Variants in VPS13A observed in about 807,000 individuals in gnomAD.
VPS13A encodes intermembrane lipid transfer protein VPS13A.
VPS13A carries 264 observed loss-of-function variants against 390.9 expected under a neutral mutation model. The ratio of observed to expected loss-of-function variants is 0.68; its 90% confidence interval spans 0.61 to 0.75. The LOEUF (loss-of-function observed/expected upper bound fraction) is 0.75. Ranked by LOEUF, VPS13A falls within the 30% of genes least tolerant of loss-of-function variation. The pLI is 0.00. For missense variants in VPS13A, 3,409 were observed against 3,733.9 expected (o/e 0.91, Z 2.27); for synonymous variants, 1,231 against 1,227.1 (o/e 1.00, Z -0.07).
At chr9:77,270,103 A>C (rs769453158) in intron 23 of VPS13A, among the ~76,000 whole-genome samples, 11 of 152,160 alleles carry the variant, frequency 7.2e-5, no homozygotes, top group Non-Finnish European at 1.3e-4. Flanking sequence ...TGGCAATCTC[A>C]TATACGTTTT....
At chr9:77,213,113 G>A (rs1826063348) in intron 8 of VPS13A, 85 bp downstream of exon 8, 3 of 1,560,272 alleles carry the variant, frequency 1.9e-6, no homozygotes, top group Non-Finnish European at 2.6e-6. Context: ...GGATGTATGT[G>A]AATTTTGCTT....
chr9:77,210,536 A>G lies in VPS13A; in HGVS notation c.496-80A>G. On this transcript the variant is annotated intron_variant, in intron 6 of 71. Transcript: ENST00000360280. ...TGGGATTACAGATGGGAGCCGCTGC[A>G]CATTGACAGTTTTTTCTATAAAGTG... The G allele has an allele frequency of 2.2e-6, 3 of 1,394,340 alleles. No homozygotes were observed. In the Admixed American group the frequency reaches 5.3e-5, roughly 25 times the overall value. 86.4% of individuals were successfully genotyped at this position (1,394,340 alleles called of 1,614,324 possible).
chr9:77,393,610 T>C (rs1035457872), intron 68 of VPS13A, among the ~76,000 whole-genome samples: 3 of 152,228 alleles, frequency 2.0e-5, no homozygotes, highest in African/African-American at 7.2e-5. Flanking sequence ...TTAGCAGGCA[T>C]GAAAATGACA....
chr9:77,210,573 A>T (rs777830324), intron 6 of VPS13A, 43 bp from the exon 7 acceptor site: 3 of 1,585,862 alleles, frequency 1.9e-6, no homozygotes, highest in Non-Finnish European at 2.6e-6. Context: ...ATTTTATCCA[A>T]CTACTAAAAA....
At position 77,206,094 on chromosome 9, in the gene VPS13A, A is replaced by T. The variant is rs964742584; in HGVS notation, c.385+15A>T. On this transcript the variant is annotated intron_variant, in intron 5 of 71. Coordinates refer to ENST00000360280, the MANE Select transcript of VPS13A (RefSeq NM_033305.3). ...AGTTGATCAAGGTAAAGAAAACAGT[A>T]AATAACAATGCTAATAAGAGAAGTA... 2.0e-6 allele frequency: 3 copies of T among 1,488,342 alleles called. No individual in the cohort carries two copies. The highest frequency in any genetic ancestry group is 2.7e-6 in the Non-Finnish European group (3 of 1,091,992). 92.2% of individuals were successfully genotyped at this position (1,488,342 alleles called of 1,614,324 possible).
chr9:77,257,711 G>T (rs1231718961), intron 22 of VPS13A, among the ~76,000 whole-genome samples: 1 of 152,070 alleles, frequency 6.6e-6, no homozygotes, highest in African/African-American at 2.4e-5. Flanking sequence ...GGCTACGGTG[G>T]GTTATGATTA....
rs558737210 is a variant in VPS13A, at chr9:77,303,634, G to A, written c.3960+572G>A. Among the ~76,000 whole-genome samples the A allele has an allele frequency of 1.4e-3, 215 of 152,246 alleles. 1 individual carries two copies. Among genetic ancestry groups the A allele is most frequent in the African/African-American group, 5.0e-3 (206 of 41,554 alleles). ...ATTATTTTCATTATTTCAGCAAAAA[G>A]GAATGTAGTAGGAAAGCAGGGTGGT... On this transcript the variant is annotated intron_variant, in intron 34 of 71. Transcript: ENST00000360280.
chr9:77,284,550 T>C lies in VPS13A; in HGVS notation c.3339+900T>C, dbSNP rs1827224693. Among the ~76,000 whole-genome samples the C allele has an allele frequency of 2.6e-5, 4 of 152,126 alleles. No individual in the cohort carries two copies. The South Asian group carries it at 8.3e-4, about 31-fold the overall frequency. ...GCTTCTATTGCTTTTATTTTAAAAA[T>C]CATAAGTATCAGAGTATTTAAGAAA... On this transcript the variant is annotated intron_variant, in intron 31 of 71. Coordinates refer to ENST00000360280, the MANE Select transcript of VPS13A (RefSeq NM_033305.3).
At chr9:77,180,540 C>A (rs1823946159) in intron 1 of VPS13A, among the ~76,000 whole-genome samples, 2 of 152,110 alleles carry the variant, frequency 1.3e-5, no homozygotes, top group African/African-American at 4.8e-5. Flanking sequence ...CAAAGATGTT[C>A]TCCTGTGTTT....
At chr9:77,204,514 ATGAT>A (rs1264103355) in intron 3 of VPS13A, among the ~76,000 whole-genome samples, 2 of 152,194 alleles carry the variant, frequency 1.3e-5, no homozygotes, top group Non-Finnish European at 2.9e-5. Flanking sequence ...GTTTATATGT[ATGAT>A]TATTACCATA....
In VPS13A at chr9:77,340,388, A is replaced by T. The variant is rs753255631; in HGVS notation, c.6880-16A>T. On this transcript the variant is annotated splice_polypyrimidine_tract_variant and intron_variant, in intron 49 of 71. Transcript: ENST00000360280. Reference sequence around the variant, plus strand: ...TATACATAACAGTTTTTGAGCTGTTAATTTTTTTTTCTTAGGTTGGTGTCA... The same window carrying T: ...TATACATAACAGTTTTTGAGCTGTTTATTTTTTTTTCTTAGGTTGGTGTCA... 19 of 1,605,218 alleles carry T rather than the reference A, an allele frequency of 1.2e-5. No homozygotes were observed. The highest frequency in any genetic ancestry group is 3.4e-6 in the Non-Finnish European group (4 of 1,176,162).
intron 2 of VPS13A, among the ~76,000 whole-genome samples, chr9:77,200,769 C>T (rs1825286395): frequency 6.6e-6 from 1 of 152,134 alleles, no homozygotes; most frequent in African/African-American, 2.4e-5. Flanking sequence ...GAAGTCTTTA[C>T]CGAATCTAAT....
At chr9:77,415,901 GT>G (rs1410448864) in intron 71 of VPS13A, 54 bp from the exon 72 acceptor site, 6 of 1,596,420 alleles carry the variant, frequency 3.8e-6, no homozygotes, top group Non-Finnish European at 5.1e-6. Flanking sequence ...ATTACATTTT[GT>G]TTCATTACAA....
rs1330699640 is a variant in VPS13A at position 77,232,890 on chromosome 9, G to A, written c.1595+4626G>A. On this transcript the variant is annotated intron_variant, in intron 17 of 71. Transcript: ENST00000360280. ...GGGACACAGCCAAACCATATCAGCT[G>A]AATTCTTCTTTGTTGAGAGTTTTTG... Among the ~76,000 whole-genome samples the A allele has an allele frequency of 2.6e-5, 4 of 152,182 alleles. No individual in the cohort carries two copies. In the South Asian group the frequency reaches 8.3e-4, roughly 32 times the overall value.
At chr9:77,236,763 A>G (rs1462288987) in intron 17 of VPS13A, among the ~76,000 whole-genome samples, 1 of 152,232 alleles carries the variant, frequency 6.6e-6, no homozygotes, top group South Asian at 2.1e-4. Flanking sequence ...AAAGAGGAGA[A>G]TGCCATGTGA....
chr9:77,283,046 G>T lies in VPS13A; in HGVS notation c.3119-309G>T, dbSNP rs184960997. ...AGTGAAAAGTTGCAATTTTGATAAT[G>T]ACAAGTATCACCTAGTAATTATTGG... On this transcript the variant is annotated intron_variant, in intron 29 of 71. Coordinates refer to ENST00000360280, the MANE Select transcript of VPS13A (RefSeq NM_033305.3). Among the ~76,000 whole-genome samples, 72 of 151,970 alleles carry T rather than the reference G, an allele frequency of 4.7e-4. No individual in the cohort carries two copies. In the East Asian group the frequency reaches 0.013, roughly 27 times the overall value.
chr9:77,199,245 C>T (rs547977281), intron 1 of VPS13A, among the ~76,000 whole-genome samples: 36 of 152,018 alleles, frequency 2.4e-4, no homozygotes, highest in Admixed American at 1.7e-3. Flanking sequence ...GCTGTGTTGC[C>T]CAGGCTGGAC....
At chr9:77,257,833 C>G (rs1825535289) in intron 22 of VPS13A, among the ~76,000 whole-genome samples, 1 of 152,046 alleles carries the variant, frequency 6.6e-6, no homozygotes, top group South Asian at 2.1e-4. Flanking sequence ...TGTTTTGCCC[C>G]CTCCAGTTTA....
chr9:77,317,342 C>T (rs975965930), intron 39 of VPS13A, among the ~76,000 whole-genome samples: 4 of 151,842 alleles, frequency 2.6e-5, no homozygotes, highest in Admixed American at 1.3e-4. Context: ...CACTTTACTT[C>T]AGTAAAGGTT....
Sources: allele counts gnomAD v4.1 joint callset (sites outside exome capture counted in the v4.1 genomes callset), GRCh38; gene constraint gnomAD v4.1.1; transcripts MANE v1.5; gene names NCBI Gene and HGNC (gene_info 2026-07-23, HGNC 2026-07-21).